The following LRP1 variants were observed in gnomAD, a reference collection of about 807,000 sequenced individuals.
The protein encoded by LRP1 is LDL receptor related protein 1.
LRP1 carries 51 observed loss-of-function variants against 541.5 expected under a neutral mutation model. The observed-to-expected ratio is 0.09, with a 90% CI of 0.08 to 0.12. The LOEUF (loss-of-function observed/expected upper bound fraction) is 0.12, where lower values mean the gene tolerates loss of function less well. Among genes scored for constraint, LRP1 ranks in the 10% least tolerant of loss-of-function variants. The probability of loss-of-function intolerance (pLI) is 1.00; values close to 1 mark genes in which losing one functional copy is unlikely to be tolerated. For missense variants in LRP1, 3,878 were observed against 6,376.2 expected, an observed-to-expected ratio of 0.61 and a Z score of 13.34; for synonymous variants, 2,219 against 2,470.8, an observed-to-expected ratio of 0.90 and a Z score of 3.02.
chr12:57,198,050 A>G, intron 58 of LRP1, 106 bp from the exon 59 acceptor site: 1 of 915,146 alleles, frequency 1.1e-6, no homozygotes, highest in South Asian at 1.7e-5. Context: ...GAGCTGTCAG[A>G]GGGAGCTCTA....
In LRP1 at chr12:57,145,459, G is replaced by A; in HGVS notation, c.810G>A (p.Glu270=). ...CTGGCCTAAAGGGCTTCGTGGATGA[G>A]CACACCATCAACATCTCCCTCAGTC... ...RMPGLKGFVD[E]HTINISLSLH... is the part of the protein sequence containing the mutation. The change falls in exon 6 of 89, where the codon GAG becomes GAA. Residue 270 remains glutamate (E), a synonymous_variant. Transcript: ENST00000243077. 6 of 1,614,036 alleles carry A rather than the reference G, an allele frequency of 3.7e-6. No individual in the cohort carries two copies. Among genetic ancestry groups the A allele is most frequent in the Non-Finnish European group, 5.1e-6 (6 of 1,180,036 alleles).
Position 57,204,296 on chromosome 12 carries a change from G to A in LRP1, c.10952-114G>A, listed in dbSNP as rs536567262. 59 of 1,240,440 alleles carry A rather than the reference G, an allele frequency of 4.8e-5. No individual in the cohort carries two copies. The East Asian group carries it at 1.5e-3, about 30-fold the overall frequency. 76.8% of individuals were successfully genotyped at this position (1,240,440 alleles called of 1,614,324 possible). On this transcript the variant is annotated intron_variant, in intron 70 of 88. Transcript: ENST00000243077. The surrounding 1 kb of genome is among the most constrained non-coding windows in gnomAD (Gnocchi z 5.3). ...AATTTAAGAGACCTGGTTCCAATTT[G>A]GCTGTGCCACTGCTTGCCTGGTGAC...
At position 57,177,636 on chromosome 12, in the gene LRP1, A is replaced by G; in HGVS notation, c.4361+45A>G. On this transcript the variant is annotated intron_variant, in intron 26 of 88. Coordinates refer to ENST00000243077, the MANE Select transcript of LRP1 (RefSeq NM_002332.3). This position sits in a 1 kb window ranked among gnomAD's most constrained non-coding sequence, Gnocchi z 6.8. ...TGAGAAGGCCCAAGTCTGTGGCACC[A>G]GGACGGGGTGGGGAGGAACCTGTGG... 1 of 1,604,816 alleles carries G rather than the reference A, an allele frequency of 6.2e-7. No individual in the cohort carries two copies. Among genetic ancestry groups the G allele is most frequent in the Non-Finnish European group, 8.5e-7 (1 of 1,174,830 alleles).
chr12:57,177,294 C>T lies in LRP1; in HGVS notation c.4196+49C>T. 6.3e-7 allele frequency: 1 copy of T among 1,598,872 alleles called. No homozygotes were observed. Among genetic ancestry groups the T allele is most frequent in the Non-Finnish European group, 8.6e-7 (1 of 1,168,282 alleles). On this transcript the variant is annotated intron_variant, in intron 25 of 88. Coordinates refer to ENST00000243077, the MANE Select transcript of LRP1 (RefSeq NM_002332.3). This position sits in a 1 kb window ranked among gnomAD's most constrained non-coding sequence, Gnocchi z 6.8. Reference sequence around the variant, plus strand: ...CCTGGCCCCATGGCCCCCCTGAAGTCCCATTCAGCCTGGCCAGGGACACCT... The same window carrying T: ...CCTGGCCCCATGGCCCCCCTGAAGTTCCATTCAGCCTGGCCAGGGACACCT...
intron 41 of LRP1, among the ~76,000 whole-genome samples, chr12:57,186,965 T>G (rs1033857811): frequency 2.6e-5 from 4 of 152,214 alleles, no homozygotes; most frequent in Admixed American, 2.0e-4. Context: ...AAATCTACAT[T>G]GCACTCAGCT....
Position 57,145,434 on chromosome 12 carries a change from C to T in LRP1, c.785C>T (p.Pro262Leu). Residue 262 changes from proline to leucine, a missense_variant, in exon 6 of 89, where the codon CCT becomes CTT. Coordinates refer to ENST00000243077, the MANE Select transcript of LRP1 (RefSeq NM_002332.3). ...ACGCAGCTCAAGTGTGCCCGCATGCCTGGCCTAAAGGGCTTCGTGGATGAG... is the reference window on the plus strand; with the variant it reads ...ACGCAGCTCAAGTGTGCCCGCATGCTTGGCCTAAAGGGCTTCGTGGATGAG... Reference protein sequence around the residue: ...AQTQLKCARMPGLKGFVDEHT... With the variant: ...AQTQLKCARMLGLKGFVDEHT... 1 of 1,614,144 alleles carries T rather than the reference C, an allele frequency of 6.2e-7. No individual in the cohort carries two copies. The highest frequency in any genetic ancestry group is 1.1e-5 in the South Asian group (1 of 91,080).
rs113975567 is a variant in LRP1 at position 57,209,717 on chromosome 12, C to A, written c.12288C>A (p.Asp4096Glu). 1 of 1,614,206 alleles carries A rather than the reference C, an allele frequency of 6.2e-7. No individual in the cohort carries two copies. Among genetic ancestry groups the A allele is most frequent in the Admixed American group, 1.7e-5 (1 of 60,028 alleles). ...GCCTAAGTCACCCCTTCAGCATCGA[C>A]GTCTTTGAGGATTACATCTATGGTG... ...KRGLSHPFSI[D>E]VFEDYIYGVT... The change falls in exon 80 of 89, where the codon GAC becomes GAA. Residue 4096 changes from aspartate to glutamate, a missense_variant. Asp to Glu is a conservative substitution (Grantham distance 45). Around this residue, in one of 13 missense-constraint regions of LRP1, gnomAD observed 871 missense variants for 1,212.4 expected, o/e 0.72. Coordinates refer to ENST00000243077, the MANE Select transcript of LRP1 (RefSeq NM_002332.3).
intron 1 of LRP1, among the ~76,000 whole-genome samples, chr12:57,129,503 T>G (rs1351781331): frequency 2.0e-5 from 3 of 151,610 alleles, no homozygotes; most frequent in Admixed American, 1.3e-4. Flanking sequence ...AGGGGTACCC[T>G]GCCGGGCAGA....
At chr12:57,157,093 T>G (rs558760968) in intron 10 of LRP1, among the ~76,000 whole-genome samples, 173 bp downstream of exon 10, 80 of 152,292 alleles carry the variant, frequency 5.3e-4, no homozygotes, top group African/African-American at 1.9e-3. Flanking sequence ...TCGAAAAAAG[T>G]GCTTTTCTCA....
chr12:57,202,202 C>G (rs540077749), intron 67 of LRP1, among the ~76,000 whole-genome samples: 52 of 152,166 alleles, frequency 3.4e-4, no homozygotes, highest in Admixed American at 6.5e-4. Flanking sequence ...CATCTCCTTC[C>G]CAAGGCAGCT....
chr12:57,198,935 G>A (rs1217715207), intron 60 of LRP1, among the ~76,000 whole-genome samples: 7 of 152,208 alleles, frequency 4.6e-5, no homozygotes, highest in Admixed American at 2.0e-4. Flanking sequence ...GAGGGTGGGG[G>A]TGGGAGGCCT....
At position 57,193,923 on chromosome 12, in the gene LRP1, T is replaced by G. The variant is rs1366129650; in HGVS notation, c.7829T>G (p.Phe2610Cys). The G allele has an allele frequency of 6.2e-7, 1 of 1,614,030 alleles. No homozygotes were observed. Among genetic ancestry groups the G allele is most frequent in the Non-Finnish European group, 8.5e-7 (1 of 1,179,994 alleles). ...GAGACAGCCTGTGGTGTGGGCGAGT[T>G]CCGCTGCCGGGACGGGACCTGCATC... ...CNKTACGVGE[F>C]RCRDGTCIGN... The change falls in exon 48 of 89, where the codon TTC (phenylalanine) becomes TGC (cysteine). Residue 2610 changes from phenylalanine to cysteine, a missense_variant. Phe to Cys is a radical substitution (Grantham distance 205). Coordinates refer to ENST00000243077, the MANE Select transcript of LRP1 (RefSeq NM_002332.3).
At chr12:57,141,567 A>G (rs1272721637) in intron 3 of LRP1, 56 bp downstream of exon 3, 2 of 1,607,194 alleles carry the variant, frequency 1.2e-6, no homozygotes, top group African/African-American at 2.7e-5. Context: ...TTATCAGCCC[A>G]CCTTCCGAGG....
intron 18 of LRP1, 76 bp from the exon 19 acceptor site, chr12:57,167,368 G>A (rs2035860274): frequency 9.1e-6 from 10 of 1,100,228 alleles, no homozygotes; most frequent in Non-Finnish European, 1.4e-5. Context: ...TGGGAGGGCC[G>A]CTGCACTCAC....
chr12:57,152,878 G>A (rs1044900719), intron 6 of LRP1, among the ~76,000 whole-genome samples: 30 of 152,304 alleles, frequency 2.0e-4, no homozygotes, highest in African/African-American at 6.3e-4. Context: ...CCTTGAGAGC[G>A]GCGTTCCTGT....
chr12:57,200,292 C>T, intron 62 of LRP1, 150 bp from the exon 63 acceptor site: 1 of 672,764 alleles, frequency 1.5e-6, no homozygotes, highest in Middle Eastern at 3.9e-4. Flanking sequence ...AGCCCCATAC[C>T]TGGCCTTTCC....
Position 57,212,652 on chromosome 12 carries a change from G to C in LRP1, c.*97G>C. ...CCCCAGCCAGCCCTTCCCTGGCCCCGCCGGATGTATAAATGTAAAAATGAA... is the reference window on the plus strand; with the variant it reads ...CCCCAGCCAGCCCTTCCCTGGCCCCCCCGGATGTATAAATGTAAAAATGAA... On this transcript the variant is annotated 3_prime_UTR_variant, in exon 89 of 89. Coordinates refer to ENST00000243077, the MANE Select transcript of LRP1 (RefSeq NM_002332.3). This position sits in a 1 kb window ranked among gnomAD's most constrained non-coding sequence, Gnocchi z 5.0. The C allele has an allele frequency of 1.6e-6, 2 of 1,252,838 alleles. No individual in the cohort carries two copies. The highest frequency in any genetic ancestry group is 2.2e-6 in the Non-Finnish European group (2 of 910,828). 77.6% of individuals were successfully genotyped at this position (1,252,838 alleles called of 1,614,324 possible).
chr12:57,191,891 A>G, intron 44 of LRP1, among the ~76,000 whole-genome samples: 1 of 37,138 alleles, frequency 2.7e-5, no homozygotes, highest in African/African-American at 6.5e-5. Context: ...CACACCCCAC[A>G]CATACCACAT....
rs867669203 is a variant in LRP1, at chr12:57,203,211, C to T, written c.10742C>T (p.Ser3581Phe). The change falls in exon 69 of 89, where the codon TCC (serine) becomes TTC (phenylalanine). Residue 3581 changes from serine to phenylalanine, a missense_variant. This residue lies in a region of LRP1 where 278 missense variants were observed against 536.3 expected (regional missense o/e 0.52). Coordinates refer to ENST00000243077, the MANE Select transcript of LRP1 (RefSeq NM_002332.3). ...TPRPCSESEFSCANGRCIAGR... is the reference protein window; with the variant it reads ...TPRPCSESEFFCANGRCIAGR... ...CGGCCCTGCTCCGAGAGTGAGTTCT[C>T]CTGTGCCAACGGCCGCTGCATCGCG... 5 of 1,608,582 alleles carry T rather than the reference C, an allele frequency of 3.1e-6. No individual in the cohort carries two copies. In the Admixed American group the frequency reaches 6.7e-5, roughly 22 times the overall value.
Sources: gnomAD v4.1 joint callset for allele counts (sites outside exome capture counted in the v4.1 genomes callset) on GRCh38, gnomAD v4.1.1 for gene constraint, gnomAD v4.1.1 regional missense constraint, Gnocchi (gnomAD v3.1) non-coding constraint, MANE v1.5 for transcripts, NCBI Gene and HGNC (gene_info 2026-07-23, HGNC 2026-07-21) for gene names.